Variants in KPNA7 observed in about 807,000 individuals in gnomAD.
KPNA7 encodes importin subunit alpha-8.
Under a neutral mutation model 53.7 loss-of-function variants are expected in KPNA7, and 54 were observed. The observed-to-expected ratio is 1.01, with a 90% CI of 0.81 to 1.26. The LOEUF (loss-of-function observed/expected upper bound fraction) is 1.26. KPNA7 is among the 50% of genes most tolerant of loss of function. The pLI is 0.00. For missense variants in KPNA7, 640 were observed against 644.5 expected, an observed-to-expected ratio of 0.99 and a Z score of 0.07; for synonymous variants, 276 against 259.3, an observed-to-expected ratio of 1.06 and a Z score of -0.62.
chr7:99,207,298 G>A (rs1790863027), intron 2 of KPNA7, 103 bp downstream of exon 2: 1 of 906,484 alleles, frequency 1.1e-6, no homozygotes. Context: ...CTCTCAAAGT[G>A]TTGGGATTAC....
intron 10 of KPNA7, among the ~76,000 whole-genome samples, chr7:99,176,354 G>T (rs1319120707): frequency 6.7e-6 from 1 of 149,658 alleles, no homozygotes; most frequent in African/African-American, 2.5e-5. Context: ...TGATATAAGT[G>T]CAAATCAAAC....
intron 8 of KPNA7, among the ~76,000 whole-genome samples, 175 bp from the exon 9 acceptor site, chr7:99,182,240 C>G (rs1031149062): frequency 6.6e-6 from 1 of 152,132 alleles, no homozygotes; most frequent in Non-Finnish European, 1.5e-5. Flanking sequence ...CTCTGTCGCC[C>G]AGGCTGGAGT....
chr7:99,176,849 C>G (rs760961868), intron 10 of KPNA7, among the ~76,000 whole-genome samples: 1 of 152,106 alleles, frequency 6.6e-6, no homozygotes, highest in Non-Finnish European at 1.5e-5. Context: ...CCATTGCCTT[C>G]CAGCCTGGGT....
At chr7:99,187,024 T>G (rs1469959111) in intron 7 of KPNA7, among the ~76,000 whole-genome samples, 4 of 151,974 alleles carry the variant, frequency 2.6e-5, no homozygotes, top group Non-Finnish European at 5.9e-5. Flanking sequence ...TAGTGGCTCA[T>G]GCCTGTAACC....
chr7:99,198,754 A>G (rs192633883), intron 3 of KPNA7, among the ~76,000 whole-genome samples: 215 of 152,280 alleles, frequency 1.4e-3, no homozygotes, highest in African/African-American at 4.4e-3. Flanking sequence ...TTTATCCAAC[A>G]TGGCATTGGA....
upstream of KPNA7, among the ~76,000 whole-genome samples, chr7:99,209,682 CAAAAAAAAAAAAAAAAAAAA>C (rs60377276): frequency 1.4e-5 from 1 of 73,522 alleles, no homozygotes; most frequent in Non-Finnish European, 2.4e-5. Flanking sequence ...GACTCCAACT[CAAAAAAAAAAAAAAAAAAAA>C]AAAAAAAAGA....
chr7:99,159,234 G>C, the KPNA7 span, among the ~76,000 whole-genome samples: 1 of 150,624 alleles, frequency 6.6e-6, no homozygotes, highest in African/African-American at 2.4e-5. Context: ...TGTAGTCCCA[G>C]CTACTTGGGA....
chr7:99,211,384 T>C (rs1474356748), upstream of KPNA7, among the ~76,000 whole-genome samples: 3 of 152,168 alleles, frequency 2.0e-5, no homozygotes, highest in Non-Finnish European at 4.4e-5. Flanking sequence ...ATCAAGCCAC[T>C]ACACTCCAGC....
At chr7:99,162,201 T>C in the KPNA7 span, among the ~76,000 whole-genome samples, 4 of 152,034 alleles carry the variant, frequency 2.6e-5, no homozygotes, top group African/African-American at 4.8e-5. Context: ...TGTGCCACCA[T>C]ACCCAGCTAA....
the KPNA7 span, among the ~76,000 whole-genome samples, chr7:99,154,905 A>G: frequency 1.3e-5 from 2 of 152,132 alleles, no homozygotes; most frequent in East Asian, 1.9e-4. Flanking sequence ...AAAGCTACCA[A>G]TGACAAAATT....
chr7:99,166,807 G>A, the KPNA7 span, among the ~76,000 whole-genome samples: 1 of 151,682 alleles, frequency 6.6e-6, no homozygotes, highest in Admixed American at 6.6e-5. Context: ...CTTTAGTAGA[G>A]ACAAGGTTTC....
the KPNA7 span, among the ~76,000 whole-genome samples, chr7:99,159,505 T>C: frequency 2.0e-5 from 3 of 152,020 alleles, no homozygotes; most frequent in South Asian, 2.1e-4. Flanking sequence ...ACAGAAAGAA[T>C]AGAACAGAAC....
chr7:99,194,544 T>C (rs1179115269), intron 5 of KPNA7, among the ~76,000 whole-genome samples: 1 of 152,168 alleles, frequency 6.6e-6, no homozygotes, highest in Non-Finnish European at 1.5e-5. Context: ...AGCCTGTGGC[T>C]TCAGTATACA....
chr7:99,207,533 G>A (rs1426839057), intron 1 of KPNA7, 44 bp from the exon 2 acceptor site: 1 of 945,466 alleles, frequency 1.1e-6, no homozygotes, highest in African/African-American at 1.7e-5. Flanking sequence ...TGCCCATTGT[G>A]TGGGTTATTA....
intron 2 of KPNA7, among the ~76,000 whole-genome samples, 177 bp downstream of exon 2, chr7:99,207,224 G>A (rs919070699): frequency 1.3e-5 from 2 of 151,918 alleles, no homozygotes; most frequent in East Asian, 1.9e-4. Flanking sequence ...TAGTAGAGAC[G>A]GGGTTACACC....
intron 10 of KPNA7, among the ~76,000 whole-genome samples, chr7:99,174,271 T>TG (rs35691001): frequency 0.061 from 9,302 of 152,258 alleles, 348 homozygotes; most frequent in South Asian, 0.12. Flanking sequence ...CCTGATGATC[T>TG]GTCAACTGTC....
At position 99,182,059 on chromosome 7, in the gene KPNA7, A is replaced by C; in HGVS notation, c.1141T>G (p.Phe381Val). The change falls in exon 9 of 11, where the codon TTT (phenylalanine) becomes GTT (valine). Residue 381 changes from phenylalanine (F) to valine (V), a missense_variant. By Grantham distance (50) the Phe-to-Val change is conservative. Transcript: ENST00000327442. Reference protein sequence around the residue: ...PLVALLKNGEFKVQKEAVWMV... With the variant: ...PLVALLKNGEVKVQKEAVWMV... ...CAGACAGCCTCTTTCTGGACTTTAA[A>C]TTCTCCCTGCAGAACAAGAATGTTT... 6.5e-7 allele frequency: 1 copy of C among 1,532,790 alleles called. No individual in the cohort carries two copies. Among genetic ancestry groups the C allele is most frequent in the Non-Finnish European group, 8.8e-7 (1 of 1,133,780 alleles). 94.9% of individuals were successfully genotyped at this position (1,532,790 alleles called of 1,614,324 possible).
At chr7:99,170,643 T>C (rs1798755423), downstream of KPNA7, among the ~76,000 whole-genome samples, 1 of 152,184 alleles carries the variant, frequency 6.6e-6, no homozygotes, top group Non-Finnish European at 1.5e-5. Flanking sequence ...TTCCAAGCTG[T>C]TTTTTAAAAA....
At chr7:99,176,108 C>T (rs995377367) in intron 10 of KPNA7, among the ~76,000 whole-genome samples, 1 of 151,588 alleles carries the variant, frequency 6.6e-6, no homozygotes, top group African/African-American at 2.4e-5. Flanking sequence ...ACCATCCTGG[C>T]TAACACGGTG....
Sources: gnomAD v4.1 joint callset for allele counts (sites outside exome capture counted in the v4.1 genomes callset) on GRCh38, gnomAD v4.1.1 for gene constraint, MANE v1.5 for transcripts, NCBI Gene and HGNC (gene_info 2026-07-23, HGNC 2026-07-21) for gene names.